The following UBE2H variants were observed in gnomAD, a reference collection of about 807,000 sequenced individuals.
The protein encoded by UBE2H is ubiquitin-conjugating enzyme E2 H.
A neutral mutation model predicts 29.0 loss-of-function variants in UBE2H; 3 were observed. The observed-to-expected ratio is 0.10, with a 90% CI of 0.05 to 0.27. The LOEUF (loss-of-function observed/expected upper bound fraction) is 0.27. Ranked by LOEUF, UBE2H falls within the 10% of genes least tolerant of loss-of-function variation. UBE2H has a pLI of 1.00. For synonymous variants in UBE2H, 69 were observed against 82.9 expected, an observed-to-expected ratio of 0.83 and a Z score of 0.91; for missense variants, 68 against 228.2, an observed-to-expected ratio of 0.30 and a Z score of 4.52.
At chr7:129,876,333 C>G (rs1270259402) in intron 3 of UBE2H, among the ~76,000 whole-genome samples, 1 of 152,222 alleles carries the variant, frequency 6.6e-6, no homozygotes, top group Non-Finnish European at 1.5e-5. Flanking sequence ...ACTGACCAAT[C>G]ACACTCTCCT....
intron 1 of UBE2H, among the ~76,000 whole-genome samples, chr7:129,904,200 C>A (rs1178456904): frequency 6.6e-6 from 1 of 152,182 alleles, no homozygotes; most frequent in Non-Finnish European, 1.5e-5. Context: ...CTCCCCAGGG[C>A]CTTTGCAATG....
At chr7:129,909,385 C>T (rs1222027919) in intron 1 of UBE2H, among the ~76,000 whole-genome samples, 2 of 152,130 alleles carry the variant, frequency 1.3e-5, no homozygotes, top group East Asian at 1.9e-4. Flanking sequence ...TTCTGACCTA[C>T]ACCTCAAAGA....
At chr7:129,847,297 C>T (rs1184612371) in intron 5 of UBE2H, among the ~76,000 whole-genome samples, 1 of 152,210 alleles carries the variant, frequency 6.6e-6, no homozygotes. Flanking sequence ...ACCTCAGACT[C>T]CCAAAGTGCT....
At chr7:129,920,735 A>G (rs971356286) in intron 1 of UBE2H, among the ~76,000 whole-genome samples, 2 of 151,918 alleles carry the variant, frequency 1.3e-5, no homozygotes, top group African/African-American at 4.8e-5. Context: ...CAATGTTAAA[A>G]TCTGACAACT....
intron 5 of UBE2H, among the ~76,000 whole-genome samples, chr7:129,847,348 A>G (rs1402643099): frequency 1.3e-5 from 2 of 152,028 alleles, no homozygotes. Context: ...CCATCCTACA[A>G]TTTTAAAGGA....
rs907562939 is a variant in UBE2H, at chr7:129,831,338, G to A, written c.*3599C>T. The A allele has an allele frequency of 6.6e-6, 1 of 152,200 alleles. No homozygotes were observed. The highest frequency in any genetic ancestry group is 1.5e-5 in the Non-Finnish European group (1 of 68,030). The allele number at this position is 152,200 out of a possible 1,614,324, so 9.4% of individuals were successfully genotyped here. ...TACTTTTCTAAGTCACTGAAACAAGGAAGGGCCACATGCCATTTAAAATCA... is the reference window on the plus strand; with the variant it reads ...TACTTTTCTAAGTCACTGAAACAAGAAAGGGCCACATGCCATTTAAAATCA... On this transcript the variant is annotated 3_prime_UTR_variant, in exon 7 of 7. Transcript: ENST00000355621.
chr7:129,912,590 T>G (rs969521016), intron 1 of UBE2H, among the ~76,000 whole-genome samples: 1 of 152,242 alleles, frequency 6.6e-6, no homozygotes, highest in African/African-American at 2.4e-5. Flanking sequence ...ATTCTGTACA[T>G]GAAACAAAGT....
Position 129,913,736 on chromosome 7 carries a change from G to A in UBE2H, c.54-32765C>T, listed in dbSNP as rs1806987565. Among the ~76,000 whole-genome samples the A allele has an allele frequency of 2.0e-5, 3 of 151,884 alleles. No homozygotes were observed. The South Asian group carries it at 6.2e-4, about 32-fold the overall frequency. ...CAAGGATTGCTTGAGCCCAGGAATT[G>A]GAGGCTGCAGTGAGCTATGATTACG... On this transcript the variant is annotated intron_variant, in intron 1 of 6. Transcript: ENST00000355621.
chr7:129,863,917 G>A (rs1805848013), intron 3 of UBE2H, among the ~76,000 whole-genome samples: 1 of 151,072 alleles, frequency 6.6e-6, no homozygotes, highest in South Asian at 2.1e-4. Context: ...AGATTCTCCT[G>A]CCTCAGCCTC....
intron 3 of UBE2H, among the ~76,000 whole-genome samples, chr7:129,867,699 T>TAAAAAAAAAAAAAAAAAAAGAAAAAAAAA (rs59742626): frequency 3.4e-5 from 1 of 29,644 alleles, no homozygotes; most frequent in Non-Finnish European, 5.8e-5. Flanking sequence ...TAGAGTATAA[T>TAAAAAAAAAAAAAAAAAAAGAAAAAAAAA]AAAAAAAAAA....
intron 1 of UBE2H, among the ~76,000 whole-genome samples, chr7:129,915,838 C>T (rs1316227181): frequency 2.6e-5 from 4 of 152,170 alleles, no homozygotes; most frequent in Non-Finnish European, 5.9e-5. Flanking sequence ...CTTTGTATCT[C>T]AAAATCCATA....
chr7:129,896,751 A>G (rs1806608946), intron 1 of UBE2H, among the ~76,000 whole-genome samples: 1 of 152,166 alleles, frequency 6.6e-6, no homozygotes. Flanking sequence ...CTAACTTGAC[A>G]TATAGACTGC....
At chr7:129,892,170 CA>C (rs1444433267) in intron 1 of UBE2H, among the ~76,000 whole-genome samples, 1 of 151,998 alleles carries the variant, frequency 6.6e-6, no homozygotes, top group Non-Finnish European at 1.5e-5. Flanking sequence ...AGGATGGTCT[CA>C]ATCTCCTGAT....
intron 1 of UBE2H, among the ~76,000 whole-genome samples, chr7:129,927,369 GTC>G (rs1445187288): frequency 1.3e-5 from 2 of 152,004 alleles, no homozygotes; most frequent in African/African-American, 4.8e-5. Flanking sequence ...GTGAAACCCC[GTC>G]TCTACTAAAA....
chr7:129,935,638 G>C (rs1807512297), intron 1 of UBE2H, among the ~76,000 whole-genome samples: 2 of 152,080 alleles, frequency 1.3e-5, no homozygotes, highest in Admixed American at 1.3e-4. Context: ...AGAGGTACCA[G>C]AACACTGATA....
At chr7:129,896,460 C>A (rs185472579) in intron 1 of UBE2H, among the ~76,000 whole-genome samples, 1 of 152,090 alleles carries the variant, frequency 6.6e-6, no homozygotes, top group Non-Finnish European at 1.5e-5. Flanking sequence ...AGTCCAGTGG[C>A]GAGATCCCGG....
In UBE2H at chr7:129,879,564, A is replaced by G; in HGVS notation, c.205+4T>C. 1 of 1,610,420 alleles carries G rather than the reference A, an allele frequency of 6.2e-7. No homozygotes were observed. The highest frequency in any genetic ancestry group is 8.5e-7 in the Non-Finnish European group (1 of 1,178,708). On this transcript the variant is annotated splice_donor_region_variant and intron_variant, in intron 3 of 6. Transcript: ENST00000355621. ...CTAAGGAGAAAAACCAAGTAGTAAC[A>G]TACCTATAGATGGAGATTTGAAAGG...
At position 129,947,962 on chromosome 7, in the gene UBE2H, C is replaced by T. The variant is rs1009897153; in HGVS notation, c.53+4541G>A. 8.5e-5 allele frequency among the ~76,000 whole-genome samples: 13 copies of T among 152,100 alleles called. 1 individual carries two copies. The highest frequency in any genetic ancestry group is 5.8e-4 in the East Asian group (3 of 5,188). On this transcript the variant is annotated intron_variant, in intron 1 of 6. Transcript: ENST00000355621. ...CCGCCTCATGGGTTCAAGCTATTCT[C>T]GTGACTCAGCCTCCCAAGTAGCTGG...
chr7:129,857,667 C>G, intron 4 of UBE2H, 104 bp from the exon 5 acceptor site: 1 of 1,243,246 alleles, frequency 8.0e-7, no homozygotes, highest in Non-Finnish European at 1.1e-6. Context: ...TCTAATAGAT[C>G]TGTGAAAAAA....
Sources: gnomAD v4.1 joint callset for allele counts (sites outside exome capture counted in the v4.1 genomes callset) on GRCh38, gnomAD v4.1.1 for gene constraint, MANE v1.5 for transcripts, NCBI Gene and HGNC (gene_info 2026-07-23, HGNC 2026-07-21) for gene names.